The following FARS2 variants were observed in gnomAD, a reference collection of about 807,000 sequenced individuals.
The protein encoded by FARS2 is phenylalanyl-tRNA synthetase 2, mitochondrial.
A neutral mutation model predicts 46.4 loss-of-function variants in FARS2; 40 were observed. The ratio of observed to expected loss-of-function variants is 0.86; its 90% CI spans 0.67 to 1.12. The LOEUF is 1.12. Ranked by LOEUF, FARS2 falls within the 50% of genes most tolerant of loss-of-function variation. The pLI is 0.00. For missense variants in FARS2, 513 were observed against 567.9 expected (o/e 0.90, Z 0.98); for synonymous variants, 234 against 214.9 (o/e 1.09, Z -0.78).
At chr6:5,542,355 T>G (rs914127049) in intron 4 of FARS2, among the ~76,000 whole-genome samples, 2 of 152,202 alleles carry the variant, frequency 1.3e-5, no homozygotes, top group African/African-American at 2.4e-5. Context: ...TTGGGTGTTT[T>G]GGGGTTGAGC....
At chr6:5,738,279 T>G (rs1425153507) in intron 6 of FARS2, among the ~76,000 whole-genome samples, 2 of 152,234 alleles carry the variant, frequency 1.3e-5, no homozygotes, top group African/African-American at 4.8e-5. Context: ...TGTGTCCTTT[T>G]TCTTTTGTTG....
intron 2 of FARS2, among the ~76,000 whole-genome samples, chr6:5,370,209 A>G (rs1032789765): frequency 1.3e-5 from 2 of 152,178 alleles, no homozygotes; most frequent in African/African-American, 4.8e-5. Context: ...TATAAGTCCT[A>G]TAGCAGGAGA....
chr6:5,755,016 T>C (rs1457721253), intron 6 of FARS2, among the ~76,000 whole-genome samples: 5 of 152,220 alleles, frequency 3.3e-5, no homozygotes, highest in African/African-American at 1.2e-4. Context: ...ATACTCATAT[T>C]CTATCCTATA....
intron 5 of FARS2, among the ~76,000 whole-genome samples, chr6:5,596,690 T>C (rs1004424714): frequency 3.3e-5 from 5 of 152,180 alleles, no homozygotes; most frequent in African/African-American, 1.2e-4. Context: ...AAGCCCACGG[T>C]CATTTTGAGA....
chr6:5,720,241 T>C (rs1759801708), intron 6 of FARS2, among the ~76,000 whole-genome samples: 1 of 152,218 alleles, frequency 6.6e-6, no homozygotes, highest in South Asian at 2.1e-4. Context: ...GTTGGAGACA[T>C]TTATAGTGAT....
chr6:5,548,900 A>G (rs1443334215), intron 5 of FARS2, among the ~76,000 whole-genome samples: 1 of 152,210 alleles, frequency 6.6e-6, no homozygotes, highest in East Asian at 1.9e-4. Context: ...GTACATTCAT[A>G]TTTAGTATAT....
At chr6:5,646,408 G>C (rs1385604059) in intron 6 of FARS2, among the ~76,000 whole-genome samples, 1 of 152,186 alleles carries the variant, frequency 6.6e-6, no homozygotes, top group East Asian at 1.9e-4. Context: ...TACCTGTGCA[G>C]TGAGGGCAGT....
chr6:5,626,255 G>A (rs142014114), intron 6 of FARS2, among the ~76,000 whole-genome samples: 163 of 152,250 alleles, frequency 1.1e-3, no homozygotes, highest in Non-Finnish European at 2.1e-3. Flanking sequence ...TCCCCAGCCT[G>A]CAGGTCCAGA....
At chr6:5,341,230 T>TAG (rs1771610034) in intron 1 of FARS2, among the ~76,000 whole-genome samples, 3 of 9,016 alleles carry the variant, frequency 3.3e-4, no homozygotes, top group Non-Finnish European at 5.4e-4. Flanking sequence ...TATATATATA[T>TAG]ATATATTTTT....
At chr6:5,338,867 C>T (rs957300315) in intron 1 of FARS2, among the ~76,000 whole-genome samples, 11 of 152,056 alleles carry the variant, frequency 7.2e-5, no homozygotes, top group African/African-American at 2.2e-4. Flanking sequence ...AGTTTTCTTG[C>T]GATTTTCCTG....
intron 5 of FARS2, among the ~76,000 whole-genome samples, chr6:5,602,812 C>G (rs1471490907): frequency 6.6e-6 from 1 of 152,176 alleles, no homozygotes; most frequent in Non-Finnish European, 1.5e-5. Flanking sequence ...CTCCCCTCCT[C>G]AGTCCCTTTT....
chr6:5,652,553 G>A (rs1294211112), intron 6 of FARS2, among the ~76,000 whole-genome samples: 5 of 152,246 alleles, frequency 3.3e-5, no homozygotes, highest in South Asian at 4.1e-4. Flanking sequence ...CCAGTGCGGC[G>A]CAGCCGCTGA....
At chr6:5,269,459 TAAAAAAAAAAATGAAAATAACCAA>T (rs1765793632) in intron 1 of FARS2, among the ~76,000 whole-genome samples, 1 of 137,626 alleles carries the variant, frequency 7.3e-6, no homozygotes, top group Non-Finnish European at 1.6e-5. Context: ...TAAAGTATAA[TAAAAAAAAAAATGAAAATAACCAA>T]AAAAAAAAAA....
chr6:5,308,186 T>G (rs559560059), intron 1 of FARS2, among the ~76,000 whole-genome samples: 1 of 152,268 alleles, frequency 6.6e-6, no homozygotes, highest in South Asian at 2.1e-4. Flanking sequence ...GGGAGTGATG[T>G]GTCCCGGGAA....
At chr6:5,753,922 T>A (rs1405759019) in intron 6 of FARS2, among the ~76,000 whole-genome samples, 1 of 152,220 alleles carries the variant, frequency 6.6e-6, no homozygotes, top group African/African-American at 2.4e-5. Flanking sequence ...TGAGATTGCC[T>A]ACATAGTGTC....
intron 3 of FARS2, among the ~76,000 whole-genome samples, chr6:5,426,179 A>T: frequency 6.6e-6 from 1 of 151,976 alleles, no homozygotes; most frequent in Non-Finnish European, 1.5e-5. Flanking sequence ...ACACAAGGAA[A>T]TAGGAAAAAA....
the FARS2 span, among the ~76,000 whole-genome samples, chr6:5,250,957 G>A: frequency 6.6e-6 from 1 of 152,168 alleles, no homozygotes; most frequent in Non-Finnish European, 1.5e-5. Context: ...ATATATGACA[G>A]CCAAAACATC....
intron 6 of FARS2, among the ~76,000 whole-genome samples, chr6:5,738,254 C>T (rs1761077089): frequency 6.6e-6 from 1 of 152,194 alleles, no homozygotes; most frequent in African/African-American, 2.4e-5. Flanking sequence ...CCAGCTACTT[C>T]TAGAATTTTT....
intron 4 of FARS2, 120 bp from the exon 5 acceptor site, chr6:5,545,060 C>G: frequency 2.3e-6 from 2 of 871,672 alleles, no homozygotes. Context: ...TAGCGGCTGC[C>G]CAGTGCCTTT....
Sources: gnomAD v4.1 joint callset for allele counts (sites outside exome capture counted in the v4.1 genomes callset) on GRCh38, gnomAD v4.1.1 for gene constraint, MANE v1.5 for transcripts, NCBI Gene and HGNC (gene_info 2026-07-23, HGNC 2026-07-21) for gene names.